POLK: variants seen among roughly 807,000 people sequenced by gnomAD.
The protein encoded by POLK is DNA polymerase kappa.
In POLK, 76 loss-of-function variants were observed where a neutral mutation model predicts 94.0. The ratio of observed to expected loss-of-function variants is 0.81; its 90% CI spans 0.67 to 0.98. The LOEUF (loss-of-function observed/expected upper bound fraction) is 0.98, where lower values mean the gene tolerates loss of function less well. POLK is among the 50% of genes least tolerant of loss of function. The probability of loss-of-function intolerance (pLI) is 0.00; values close to 1 mark genes in which losing one functional copy is unlikely to be tolerated. For synonymous variants in POLK, 349 were observed against 325.4 expected (o/e 1.07, Z -0.78); for missense variants, 954 against 1,010.1 (o/e 0.94, Z 0.75).
chr5:75,553,811 G>A lies in POLK; in HGVS notation c.255+1220G>A, dbSNP rs5744615. ...GAATTTCCTCTTTTATTCTGTTTGC[G>A]AGTATATACACTAAGTTGCTAGCAC... On this transcript the variant is annotated intron_variant, in intron 3 of 14. Coordinates refer to ENST00000241436, the Ensembl canonical transcript of POLK. 2.2e-3 allele frequency among the ~76,000 whole-genome samples: 341 copies of A among 152,114 alleles called. 2 individuals are homozygous for A. The highest frequency in any genetic ancestry group is 7.5e-3 in the Admixed American group (115 of 15,270).
intron 1 of POLK, among the ~76,000 whole-genome samples, chr5:75,522,016 A>G (rs1768611052): frequency 6.6e-6 from 1 of 152,178 alleles, no homozygotes; most frequent in South Asian, 2.1e-4. Flanking sequence ...CCTTTGACTA[A>G]GTTAAAGAGC....
At chr5:75,520,386 A>AT (rs1322019296) in intron 1 of POLK, among the ~76,000 whole-genome samples, 3 of 151,958 alleles carry the variant, frequency 2.0e-5, no homozygotes, top group Non-Finnish European at 4.4e-5. Flanking sequence ...TTACCAGAGG[A>AT]TTTTATTTAT....
chr5:75,577,333 A>G (rs184929688), intron 6 of POLK, among the ~76,000 whole-genome samples: 104 of 152,180 alleles, frequency 6.8e-4, no homozygotes, highest in Non-Finnish European at 6.6e-4. Flanking sequence ...GGATGATTCT[A>G]TTTTTCTTCA....
intron 1 of POLK, among the ~76,000 whole-genome samples, chr5:75,515,482 G>T (rs528088532): frequency 6.6e-6 from 1 of 152,278 alleles, no homozygotes; most frequent in East Asian, 1.9e-4. Context: ...AAATTCCATT[G>T]TGTATATAGA....
intron 1 of POLK, among the ~76,000 whole-genome samples, chr5:75,526,717 G>A (rs1455708557): frequency 6.6e-6 from 1 of 151,820 alleles, no homozygotes; most frequent in South Asian, 2.1e-4. Context: ...GAGTAGCTGG[G>A]ATTACAGACG....
chr5:75,556,542 T>C (rs1469688226), intron 3 of POLK, among the ~76,000 whole-genome samples: 6 of 152,194 alleles, frequency 3.9e-5, no homozygotes, highest in Non-Finnish European at 7.3e-5. Context: ...CAATTCTTTC[T>C]TTCATGGATT....
intron 1 of POLK, among the ~76,000 whole-genome samples, chr5:75,518,005 G>A (rs1393328067): frequency 6.6e-6 from 1 of 152,008 alleles, no homozygotes; most frequent in Non-Finnish European, 1.5e-5. Context: ...TCATGATGAA[G>A]GATCTTATTA....
intron 1 of POLK, among the ~76,000 whole-genome samples, chr5:75,526,574 G>GT (rs1257109023): frequency 0.062 from 7,904 of 127,406 alleles, 366 homozygotes; most frequent in African/African-American, 0.15. Flanking sequence ...TTTTTTTTTT[G>GT]TTTTTTTTTT....
At chr5:75,544,025 A>G (rs969871665) in intron 1 of POLK, among the ~76,000 whole-genome samples, 1 of 152,034 alleles carries the variant, frequency 6.6e-6, no homozygotes, top group Non-Finnish European at 1.5e-5. Context: ...TTTTGTAGAC[A>G]TGAGTCTCAC....
intron 1 of POLK, among the ~76,000 whole-genome samples, chr5:75,537,248 G>T (rs926337831): frequency 6.6e-6 from 1 of 152,216 alleles, no homozygotes; most frequent in African/African-American, 2.4e-5. Context: ...AAACATCTCA[G>T]TGGCTCTGCC....
intron 1 of POLK, among the ~76,000 whole-genome samples, chr5:75,526,241 A>G (rs975428294): frequency 3.9e-5 from 6 of 152,090 alleles, no homozygotes; most frequent in Admixed American, 2.6e-4. Flanking sequence ...AAAAAGAAAA[A>G]AGAAAAGGGA....
chr5:75,547,936 C>CT (rs1423941169), intron 2 of POLK, among the ~76,000 whole-genome samples: 11 of 151,796 alleles, frequency 7.2e-5, no homozygotes, highest in East Asian at 1.9e-4. Flanking sequence ...CATATCTTTT[C>CT]TTTTTTTTGA....
At chr5:75,584,273 A>G (rs1368086942) in intron 8 of POLK, among the ~76,000 whole-genome samples, 1 of 152,256 alleles carries the variant, frequency 6.6e-6, no homozygotes, top group East Asian at 1.9e-4. Context: ...ATATGACAAC[A>G]GCACTCCTTT....
chr5:75,517,755 T>C (rs1419446420), intron 1 of POLK, among the ~76,000 whole-genome samples: 1 of 152,232 alleles, frequency 6.6e-6, no homozygotes, highest in Non-Finnish European at 1.5e-5. Flanking sequence ...CACCATTCAG[T>C]GTGATGTTAG....
intron 5 of POLK, 41 bp downstream of exon 5, chr5:75,573,910 T>C (rs762209801): frequency 4.7e-5 from 76 of 1,601,848 alleles, no homozygotes; most frequent in Non-Finnish European, 6.3e-5. Context: ...TTTCACTGAG[T>C]TCCTGTCACC....
rs376971664 is a variant in POLK, at chr5:75,590,422, A to G, written c.1338A>G (p.Leu446=). ...TTTGCAGTGAGCTTGCTCAGGATCT[A>G]CAGAAAGAAAGACTTAAGGTGCTTT... The change falls in exon 11 of 15, where the codon CTA becomes CTG. Residue 446 remains leucine (L), a synonymous_variant. Transcript: ENST00000241436. The G allele has an allele frequency of 3.1e-6, 5 of 1,606,018 alleles. No homozygotes were observed. The African/African-American group carries it at 4.0e-5, about 13-fold the overall frequency.
intron 1 of POLK, among the ~76,000 whole-genome samples, chr5:75,539,560 A>G (rs1429718928): frequency 1.3e-5 from 2 of 152,126 alleles, no homozygotes; most frequent in Non-Finnish European, 2.9e-5. Context: ...CAGTGGCACT[A>G]TCATGGTTTA....
intron 1 of POLK, among the ~76,000 whole-genome samples, chr5:75,513,525 G>C (rs1201108865): frequency 1.3e-5 from 2 of 152,188 alleles, no homozygotes; most frequent in Non-Finnish European, 2.9e-5. Flanking sequence ...AGTGATTTCA[G>C]AAATGGAATT....
chr5:75,511,175 G>T, upstream of POLK: 1 of 1,612,630 alleles, frequency 6.2e-7, no homozygotes, highest in Non-Finnish European at 8.5e-7. Context: ...CCTCCTCCGA[G>T]CCCGACGAGT....
Sources: gnomAD v4.1 joint callset for allele counts (sites outside exome capture counted in the v4.1 genomes callset) on GRCh38, gnomAD v4.1.1 for gene constraint, MANE v1.5 for transcripts, NCBI Gene and HGNC (gene_info 2026-07-23, HGNC 2026-07-21) for gene names.